Variants in GNG7 observed in about 807,000 individuals in gnomAD.
GNG7 encodes G protein subunit gamma 7.
In GNG7, 1 loss-of-function variant was observed where a neutral mutation model predicts 4.0. The observed-to-expected ratio is 0.25, with a 90% CI of 0.09 to 1.18. The LOEUF is 1.18. Ranked by LOEUF, GNG7 falls within the 50% of genes most tolerant of loss-of-function variation. The pLI, the probability that GNG7 is intolerant of heterozygous loss-of-function variation, is 0.50. For missense variants in GNG7, 86 were observed against 91.9 expected (o/e 0.94, Z 0.26); for synonymous variants, 34 against 36.9 (o/e 0.92, Z 0.29).
intron 1 of GNG7, among the ~76,000 whole-genome samples, chr19:2,650,009 A>C (rs1599441635): frequency 6.6e-6 from 1 of 151,928 alleles, no homozygotes; most frequent in East Asian, 1.9e-4. Flanking sequence ...CTCAAGGTGC[A>C]TCCATGCTGT....
intron 1 of GNG7, among the ~76,000 whole-genome samples, chr19:2,652,068 G>A (rs774980410): frequency 3.9e-4 from 60 of 151,996 alleles, no homozygotes; most frequent in African/African-American, 6.3e-4. Context: ...CCAGCTACTC[G>A]GGAGGCTGAG....
chr19:2,667,602 A>AC (rs1225045301), intron 1 of GNG7, among the ~76,000 whole-genome samples: 1 of 152,004 alleles, frequency 6.6e-6, no homozygotes, highest in Non-Finnish European at 1.5e-5. Context: ...ACACAGTGAG[A>AC]CCCCATCTCT....
At chr19:2,690,271 A>G (rs532066989) in intron 1 of GNG7, among the ~76,000 whole-genome samples, 1 of 151,948 alleles carries the variant, frequency 6.6e-6, no homozygotes, top group South Asian at 2.1e-4. Context: ...AATCCCAGCT[A>G]CCCGGGAGGC....
chr19:2,604,506 A>G (rs1981314554), intron 2 of GNG7, among the ~76,000 whole-genome samples: 1 of 122,704 alleles, frequency 8.1e-6, no homozygotes. Context: ...GAAGGAAGGA[A>G]GGAAGCGAGG....
intron 1 of GNG7, among the ~76,000 whole-genome samples, chr19:2,669,597 T>C (rs530185144): frequency 6.6e-6 from 1 of 152,364 alleles, no homozygotes; most frequent in African/African-American, 2.4e-5. Flanking sequence ...AATACAGCCA[T>C]GCCCGTTTAT....
At chr19:2,637,497 C>T (rs1982348454) in intron 2 of GNG7, among the ~76,000 whole-genome samples, 1 of 152,178 alleles carries the variant, frequency 6.6e-6, no homozygotes, top group South Asian at 2.1e-4. Flanking sequence ...GGAGCCAAAG[C>T]CGCACTCGCC....
chr19:2,568,136 CAT>C (rs1256365264), intron 2 of GNG7, among the ~76,000 whole-genome samples: 8 of 151,442 alleles, frequency 5.3e-5, no homozygotes, highest in Non-Finnish European at 1.0e-4. Flanking sequence ...GACATACACA[CAT>C]ATACACATGC....
At chr19:2,665,920 G>A (rs775812570) in intron 1 of GNG7, among the ~76,000 whole-genome samples, 43 of 152,158 alleles carry the variant, frequency 2.8e-4, no homozygotes, top group Non-Finnish European at 3.8e-4. Flanking sequence ...CCAGGCTAGA[G>A]TGCAGTGGTG....
At chr19:2,553,459 TTA>T (rs567775029) in intron 3 of GNG7, among the ~76,000 whole-genome samples, 203 of 147,692 alleles carry the variant, frequency 1.4e-3, no homozygotes, top group African/African-American at 4.3e-3. Flanking sequence ...ATGCAATATA[TTA>T]TGTTATATAT....
intron 2 of GNG7, among the ~76,000 whole-genome samples, chr19:2,579,671 C>A (rs1250179177): frequency 1.3e-5 from 2 of 152,202 alleles, no homozygotes; most frequent in East Asian, 3.9e-4. Flanking sequence ...ACGGAAGGGG[C>A]TTTGGCAGAA....
intron 3 of GNG7, among the ~76,000 whole-genome samples, chr19:2,520,967 G>A (rs1383882952): frequency 1.3e-5 from 2 of 152,076 alleles, no homozygotes; most frequent in Admixed American, 6.6e-5. Flanking sequence ...ATGAAAGGGC[G>A]AAGGCAGGCT....
intron 1 of GNG7, among the ~76,000 whole-genome samples, chr19:2,696,638 G>A (rs996695017): frequency 6.6e-6 from 1 of 152,228 alleles, no homozygotes. Context: ...CCTGAAAAGG[G>A]TCGAGGCTCT....
Position 2,596,084 on chromosome 19 carries a change from C to T in GNG7, c.-77-40896G>A, listed in dbSNP as rs1420546679. Among the ~76,000 whole-genome samples, 4 of 152,098 alleles carry T rather than the reference C, an allele frequency of 2.6e-5. No individual in the cohort carries two copies. In the East Asian group the frequency reaches 5.8e-4, roughly 22 times the overall value. On this transcript the variant is annotated intron_variant, in intron 2 of 4. Coordinates refer to ENST00000382159, the MANE Select transcript of GNG7 (RefSeq NM_052847.3). Reference sequence around the variant, plus strand: ...CAATCAAAACTAGTGGGCGGCCGGGCGCGGTGGCTCATATCTGTAATCTCA... The same window carrying T: ...CAATCAAAACTAGTGGGCGGCCGGGTGCGGTGGCTCATATCTGTAATCTCA...
intron 1 of GNG7, among the ~76,000 whole-genome samples, chr19:2,677,039 A>G (rs1229725273): frequency 2.6e-5 from 4 of 152,152 alleles, no homozygotes; most frequent in Admixed American, 2.6e-4. Flanking sequence ...AAGGGACTCC[A>G]TATCTTTACT....
Position 2,512,925 on chromosome 19 carries a change from C to A in GNG7, c.*2097G>T, listed in dbSNP as rs951441217. 4 of 985,484 alleles carry A rather than the reference C, an allele frequency of 4.1e-6. No homozygotes were observed. The highest frequency in any genetic ancestry group is 4.8e-6 in the Non-Finnish European group (4 of 829,976). The allele number at this position is 985,484 out of a possible 1,614,324, so 61.0% of individuals were successfully genotyped here. A position where few individuals can be genotyped will look rare whatever the true frequency, so the allele number is the denominator to read the frequency against. On this transcript the variant is annotated 3_prime_UTR_variant, in exon 5 of 5. Coordinates refer to ENST00000382159, the MANE Select transcript of GNG7 (RefSeq NM_052847.3). The surrounding 1 kb of genome is among the most constrained non-coding windows in gnomAD (Gnocchi z 4.7). Reference sequence around the variant, plus strand: ...GGGACGCCCACACCCCAAACCCTGCCGGCTCCCAGCCCAACCACAGGAGGC... The same window carrying A: ...GGGACGCCCACACCCCAAACCCTGCAGGCTCCCAGCCCAACCACAGGAGGC...
At chr19:2,631,322 C>T (rs1393478093) in intron 2 of GNG7, among the ~76,000 whole-genome samples, 11 of 152,198 alleles carry the variant, frequency 7.2e-5, no homozygotes, top group Non-Finnish European at 1.5e-4. Flanking sequence ...CACTTAACCT[C>T]GCTAGGTCTC....
At chr19:2,600,831 A>G (rs1047621830) in intron 2 of GNG7, among the ~76,000 whole-genome samples, 1 of 151,984 alleles carries the variant, frequency 6.6e-6, no homozygotes, top group Admixed American at 6.6e-5. Context: ...TCAGAGACCA[A>G]CCCCTGGGTG....
chr19:2,562,258 C>T (rs1448314611), intron 2 of GNG7, among the ~76,000 whole-genome samples: 5 of 149,666 alleles, frequency 3.3e-5, no homozygotes, highest in African/African-American at 7.3e-5. Flanking sequence ...ACATCTACAG[C>T]GGGTTCCTTT....
chr19:2,604,470 C>CAA (rs112959127), intron 2 of GNG7, among the ~76,000 whole-genome samples: 5 of 37,344 alleles, frequency 1.3e-4, no homozygotes, highest in Non-Finnish European at 2.5e-4. Context: ...GACCCTGCTT[C>CAA]AAAAAAAAAA....
Sources: allele counts gnomAD v4.1 joint callset (sites outside exome capture counted in the v4.1 genomes callset), GRCh38; gene constraint gnomAD v4.1.1; non-coding constraint Gnocchi (gnomAD v3.1); transcripts MANE v1.5; gene names NCBI Gene and HGNC (gene_info 2026-07-23, HGNC 2026-07-21).